Variants in CSMD3 observed in about 807,000 individuals in gnomAD.
CSMD3 encodes the protein CUB and Sushi multiple domains 3, also known as CUB and sushi domain-containing protein 3.
Under a neutral mutation model 435.2 loss-of-function variants are expected in CSMD3, and 177 were observed. The ratio of observed to expected loss-of-function variants is 0.41; its 90% confidence interval spans 0.36 to 0.46. The LOEUF is 0.46. Ranked by LOEUF, CSMD3 falls within the 20% of genes least tolerant of loss-of-function variation. The pLI is 0.34. For synonymous variants in CSMD3, 1,656 were observed against 1,520.5 expected, an observed-to-expected ratio of 1.09 and a Z score of -2.07; for missense variants, 4,265 against 4,504.6, an observed-to-expected ratio of 0.95 and a Z score of 1.52.
chr8:112,904,546 C>T (rs752346856), intron 10 of CSMD3, among the ~76,000 whole-genome samples: 1 of 151,382 alleles, frequency 6.6e-6, no homozygotes, highest in African/African-American at 2.4e-5. Flanking sequence ...GGGAGGGAAG[C>T]TGATTCATTA....
chr8:113,034,142 G>C (rs1305147439), intron 5 of CSMD3, among the ~76,000 whole-genome samples: 1 of 151,434 alleles, frequency 6.6e-6, no homozygotes, highest in Non-Finnish European at 1.5e-5. Flanking sequence ...TGAGGAGTGT[G>C]AGAACAGACT....
At chr8:113,301,443 C>A (rs909181486) in intron 2 of CSMD3, among the ~76,000 whole-genome samples, 7 of 151,722 alleles carry the variant, frequency 4.6e-5, no homozygotes, top group Non-Finnish European at 8.8e-5. Flanking sequence ...TTTAAATAAT[C>A]ACATCTCACT....
chr8:113,142,865 A>AATATATAT (rs60270302), intron 4 of CSMD3, among the ~76,000 whole-genome samples: 2 of 145,006 alleles, frequency 1.4e-5, no homozygotes, highest in Non-Finnish European at 3.1e-5. Flanking sequence ...GAACTCCTTA[A>AATATATAT]ATATATATAT....
chr8:113,123,361 A>T (rs940679714), intron 4 of CSMD3, among the ~76,000 whole-genome samples: 4 of 152,052 alleles, frequency 2.6e-5, no homozygotes, highest in African/African-American at 9.7e-5. Context: ...TATCAATATC[A>T]ACTAAATGAG....
At chr8:112,873,328 T>C (rs897283659) in intron 10 of CSMD3, among the ~76,000 whole-genome samples, 1 of 152,038 alleles carries the variant, frequency 6.6e-6, no homozygotes, top group African/African-American at 2.4e-5. Flanking sequence ...GATTAACTGA[T>C]CTACACCTGA....
intron 22 of CSMD3, among the ~76,000 whole-genome samples, chr8:112,621,301 A>T (rs553937000): frequency 9.9e-5 from 15 of 152,248 alleles, no homozygotes; most frequent in Non-Finnish European, 2.1e-4. Flanking sequence ...ATAATTGTTA[A>T]ACCCAGATAG....
chr8:112,500,422 T>C (rs1174548703), intron 30 of CSMD3, among the ~76,000 whole-genome samples: 1 of 152,164 alleles, frequency 6.6e-6, no homozygotes, highest in African/African-American at 2.4e-5. Flanking sequence ...GTCCATAGTT[T>C]CAGTTCTAGA....
Position 112,406,438 on chromosome 8 carries a change from G to T in CSMD3, c.5809+86C>A, listed in dbSNP as rs189180463. ...TTTAAAATTAAGTACATAATTATTAGATCTGAAATTTAAAAAATTGAAAGA... is the reference window on the plus strand; with the variant it reads ...TTTAAAATTAAGTACATAATTATTATATCTGAAATTTAAAAAATTGAAAGA... On this transcript the variant is annotated intron_variant, in intron 35 of 70. Coordinates refer to ENST00000297405, the MANE Select transcript of CSMD3 (RefSeq NM_198123.2). The T allele has an allele frequency of 4.1e-6, 3 of 725,692 alleles. No individual in the cohort carries two copies. The South Asian group carries it at 6.0e-5, about 14-fold the overall frequency. 45.0% of individuals were successfully genotyped at this position (725,692 alleles called of 1,614,324 possible). A position where few individuals can be genotyped will look rare whatever the true frequency, so the allele number is the denominator to read the frequency against.
In CSMD3 at chr8:113,299,340, G is replaced by T. The variant is rs184839623; in HGVS notation, c.401+15231C>A. ...GCTCATGCTTATTTGAAAAATATGT[G>T]TAGAATAGCTATTTGTGTTATATTG... On this transcript the variant is annotated intron_variant, in intron 2 of 70. Transcript: ENST00000297405. Among the ~76,000 whole-genome samples, 354 of 152,130 alleles carry T rather than the reference G, an allele frequency of 2.3e-3. 2 individuals are homozygous for T. Among genetic ancestry groups the T allele is most frequent in the African/African-American group, 8.2e-3 (339 of 41,492 alleles).
chr8:112,719,835 T>A (rs548979376), intron 13 of CSMD3, among the ~76,000 whole-genome samples: 1 of 152,330 alleles, frequency 6.6e-6, no homozygotes, highest in East Asian at 1.9e-4. Context: ...AAACTTTATT[T>A]GAAATATCTT....
chr8:112,373,789 G>T (rs1361800250), intron 38 of CSMD3, among the ~76,000 whole-genome samples: 1 of 152,112 alleles, frequency 6.6e-6, no homozygotes, highest in Non-Finnish European at 1.5e-5. Context: ...TTATTGGGCG[G>T]GCGGGAATCG....
intron 22 of CSMD3, among the ~76,000 whole-genome samples, chr8:112,592,486 C>A (rs1419371424): frequency 6.6e-6 from 1 of 151,896 alleles, no homozygotes; most frequent in Non-Finnish European, 1.5e-5. Flanking sequence ...AGTTTCATAG[C>A]TACTTTTTCC....
At chr8:113,376,632 C>T in intron 1 of CSMD3, 1 of 1,284,618 alleles carries the variant, frequency 7.8e-7, no homozygotes, top group South Asian at 1.2e-5. Context: ...GTTTACCACT[C>T]TCTCTTTCCA....
intron 50 of CSMD3, among the ~76,000 whole-genome samples, chr8:112,309,358 A>G (rs1000804803): frequency 1.6e-4 from 24 of 151,932 alleles, no homozygotes; most frequent in African/African-American, 5.5e-4. Context: ...AAATATAAAT[A>G]AAAGCAATCA....
chr8:112,359,361 A>C (rs1158818670), intron 38 of CSMD3, among the ~76,000 whole-genome samples: 1 of 152,146 alleles, frequency 6.6e-6, no homozygotes, highest in African/African-American at 2.4e-5. Context: ...ACACAATCTG[A>C]TAATATATAA....
intron 1 of CSMD3, among the ~76,000 whole-genome samples, chr8:113,360,607 T>C (rs2094267364): frequency 6.9e-6 from 1 of 145,436 alleles, no homozygotes. Context: ...GGAGTCTCGC[T>C]CTGTCGCCCA....
chr8:112,564,295 T>TCTCC (rs1828890191), intron 24 of CSMD3, among the ~76,000 whole-genome samples: 2 of 151,618 alleles, frequency 1.3e-5, no homozygotes, highest in South Asian at 4.2e-4. Context: ...TCCTTCTTCC[T>TCTCC]TTCCTTCTTC....
In CSMD3 at chr8:112,861,455, G is replaced by A. The variant is rs149898249; in HGVS notation, c.1634-2189C>T. Among the ~76,000 whole-genome samples the A allele has an allele frequency of 9.2e-3, 1,396 of 151,824 alleles. 9 individuals are homozygous for A. Among genetic ancestry groups the A allele is most frequent in the Non-Finnish European group, 0.014 (950 of 67,784 alleles). ...TTACTTGTGCCAGAACAGACATCTT[G>A]CTCTTCTTTGATTTACCATACTCTT... On this transcript the variant is annotated intron_variant, in intron 10 of 70. Transcript: ENST00000297405.
intron 10 of CSMD3, among the ~76,000 whole-genome samples, chr8:112,871,756 C>T (rs6469442): frequency 0.5 from 76,374 of 151,736 alleles, 19,760 homozygotes; most frequent in East Asian, 0.79. Flanking sequence ...TTCAAACATA[C>T]CTTCTCTTCC....
Sources: gnomAD v4.1 joint callset for allele counts (sites outside exome capture counted in the v4.1 genomes callset) on GRCh38, gnomAD v4.1.1 for gene constraint, MANE v1.5 for transcripts, NCBI Gene and HGNC (gene_info 2026-07-23, HGNC 2026-07-21) for gene names.